Variants in GPC5 observed in about 807,000 individuals in gnomAD.
The protein encoded by GPC5 is glypican 5.
In GPC5, 47 loss-of-function variants were observed where a neutral mutation model predicts 53.9. The observed-to-expected ratio is 0.87, with a 90% confidence interval of 0.69 to 1.11. GPC5 has a LOEUF of 1.11. Among genes scored for constraint, GPC5 ranks in the 50% most tolerant of loss-of-function variants. GPC5 has a pLI of 0.00. For missense variants in GPC5, 748 were observed against 713.1 expected (o/e 1.05, Z -0.56); for synonymous variants, 286 against 263.3 (o/e 1.09, Z -0.84).
chr13:91,511,876 CT>C (rs538369268), intron 2 of GPC5, among the ~76,000 whole-genome samples: 1 of 151,762 alleles, frequency 6.6e-6, no homozygotes, highest in African/African-American at 2.4e-5. Flanking sequence ...GATGGTGGGC[CT>C]TTTTTTGTCA....
chr13:92,358,872 C>A lies in GPC5; in HGVS notation c.1561+213883C>A, dbSNP rs191523701. Among the ~76,000 whole-genome samples the A allele has an allele frequency of 2.9e-3, 440 of 151,858 alleles. 16 individuals are homozygous for A. Among genetic ancestry groups the A allele is most frequent in the African/African-American group, 0.01 (431 of 41,142 alleles). Reference sequence around the variant, plus strand: ...GCCTCTGGGCCTGTGATGGGAGTAGCTACTGAGAAGGTCTTTGAAATGATT... The same window carrying A: ...GCCTCTGGGCCTGTGATGGGAGTAGATACTGAGAAGGTCTTTGAAATGATT... On this transcript the variant is annotated intron_variant, in intron 7 of 7. Transcript: ENST00000377067.
chr13:92,583,688 C>A (rs1474910741), intron 7 of GPC5, among the ~76,000 whole-genome samples: 2 of 152,262 alleles, frequency 1.3e-5, no homozygotes, highest in Non-Finnish European at 2.9e-5. Context: ...AAGAAGCTAT[C>A]CAGAAGAATA....
chr13:92,022,080 A>G (rs1048667542), intron 6 of GPC5, among the ~76,000 whole-genome samples: 1 of 151,960 alleles, frequency 6.6e-6, no homozygotes, highest in Non-Finnish European at 1.5e-5. Flanking sequence ...GTTCACTGCA[A>G]CCACCGCCTC....
At chr13:92,497,507 C>G (rs946211328) in intron 7 of GPC5, among the ~76,000 whole-genome samples, 1 of 152,088 alleles carries the variant, frequency 6.6e-6, no homozygotes, top group Non-Finnish European at 1.5e-5. Flanking sequence ...GTTACTGCAG[C>G]CTTGTAGTAT....
chr13:92,647,729 G>T (rs534348490), intron 7 of GPC5, among the ~76,000 whole-genome samples: 2 of 152,000 alleles, frequency 1.3e-5, no homozygotes, highest in African/African-American at 4.8e-5. Context: ...TGCCATAAAG[G>T]CCACATGGTA....
chr13:91,496,022 C>CAA (rs201936956), intron 2 of GPC5, among the ~76,000 whole-genome samples: 4 of 147,834 alleles, frequency 2.7e-5, no homozygotes, highest in South Asian at 2.1e-4. Flanking sequence ...GACTCTGTCT[C>CAA]AAAAAAAATA....
At chr13:91,650,331 T>G (rs1232960031) in intron 2 of GPC5, among the ~76,000 whole-genome samples, 1 of 152,188 alleles carries the variant, frequency 6.6e-6, no homozygotes, top group African/African-American at 2.4e-5. Context: ...TCTTTATAGT[T>G]TTGTCATTTC....
intron 7 of GPC5, among the ~76,000 whole-genome samples, chr13:92,159,346 C>G (rs1593943389): frequency 6.6e-6 from 1 of 152,156 alleles, no homozygotes; most frequent in East Asian, 1.9e-4. Context: ...ATGTTTAGCT[C>G]TTATATTAGC....
chr13:91,675,088 G>A (rs1365065468), intron 2 of GPC5, among the ~76,000 whole-genome samples: 1 of 151,082 alleles, frequency 6.6e-6, no homozygotes, highest in Non-Finnish European at 1.5e-5. Context: ...GGTGAATAAT[G>A]CGTTTGTTTA....
intron 7 of GPC5, among the ~76,000 whole-genome samples, chr13:92,254,171 C>T (rs899689594): frequency 6.6e-6 from 1 of 152,100 alleles, no homozygotes; most frequent in Non-Finnish European, 1.5e-5. Flanking sequence ...CCTTCAGTAT[C>T]TAGTAGTTGG....
chr13:91,750,400 G>T (rs2037146102), intron 4 of GPC5, among the ~76,000 whole-genome samples: 1 of 152,106 alleles, frequency 6.6e-6, no homozygotes, highest in Admixed American at 6.5e-5. Context: ...AATTAGATGG[G>T]ACTGGACTGT....
rs552405665 is a variant in GPC5, at chr13:92,843,365, T to C, written c.1562-22917T>C. On this transcript the variant is annotated intron_variant, in intron 7 of 7. Transcript: ENST00000377067. ...CAAATATTTATTAAATTGAATTCAA[T>C]TGATTCTAGTTGAGTTGAATTAAGT... is the stretch of plus-strand genomic sequence containing the variant. Among the ~76,000 whole-genome samples, 21 of 152,316 alleles carry C rather than the reference T, an allele frequency of 1.4e-4. 1 individual carries two copies. The Middle Eastern group carries it at 0.01, about 74-fold the overall frequency.
intron 6 of GPC5, among the ~76,000 whole-genome samples, chr13:92,098,193 T>C (rs527322227): frequency 3.3e-5 from 5 of 152,278 alleles, no homozygotes; most frequent in East Asian, 1.9e-4. Flanking sequence ...CAGTGTCCCA[T>C]TGGTCCCCTC....
At chr13:92,829,713 T>C (rs901319439) in intron 7 of GPC5, among the ~76,000 whole-genome samples, 1 of 152,182 alleles carries the variant, frequency 6.6e-6, no homozygotes, top group African/African-American at 2.4e-5. Flanking sequence ...TAAAATATTT[T>C]AGGGCTTTAA....
chr13:91,731,778 G>A (rs766977651), intron 4 of GPC5, among the ~76,000 whole-genome samples: 9 of 152,086 alleles, frequency 5.9e-5, no homozygotes, highest in Admixed American at 3.9e-4. Flanking sequence ...GAGAACATGC[G>A]GTGTTTGGTT....
intron 7 of GPC5, among the ~76,000 whole-genome samples, chr13:92,635,570 C>T (rs1594369514): frequency 6.6e-6 from 1 of 152,180 alleles, no homozygotes; most frequent in African/African-American, 2.4e-5. Flanking sequence ...GGCCAGAGCC[C>T]TCATGCCTTA....
rs569399526 is a variant in GPC5 at position 92,224,315 on chromosome 13, G to A, written c.1561+79326G>A. Reference sequence around the variant, plus strand: ...AAGCCTTAGGTAATTCTATTGTGGCGGAACAGGAAGTTTTCTTGTCAATTC... The same window carrying A: ...AAGCCTTAGGTAATTCTATTGTGGCAGAACAGGAAGTTTTCTTGTCAATTC... On this transcript the variant is annotated intron_variant, in intron 7 of 7. Transcript: ENST00000377067. Among the ~76,000 whole-genome samples the A allele has an allele frequency of 7.3e-4, 111 of 152,196 alleles. 1 individual carries two copies. Among genetic ancestry groups the A allele is most frequent in the African/African-American group, 2.3e-3 (96 of 41,518 alleles).
intron 7 of GPC5, among the ~76,000 whole-genome samples, chr13:92,812,811 T>C (rs1566429215): frequency 6.6e-6 from 1 of 151,952 alleles, no homozygotes; most frequent in East Asian, 1.9e-4. Context: ...TATACACTTG[T>C]AATGAATGCC....
At position 92,587,667 on chromosome 13, in the gene GPC5, G is replaced by T. The variant is rs372664955; in HGVS notation, c.1562-278615G>T. On this transcript the variant is annotated intron_variant, in intron 7 of 7. Coordinates refer to ENST00000377067, the MANE Select transcript of GPC5 (RefSeq NM_004466.6). ...TAATGTTTAAAATTATTGAGCCTATGATTTGCTAACAAAAGAAAAATAAAA... is the reference window on the plus strand; with the variant it reads ...TAATGTTTAAAATTATTGAGCCTATTATTTGCTAACAAAAGAAAAATAAAA... Among the ~76,000 whole-genome samples the T allele has an allele frequency of 9.2e-5, 14 of 152,238 alleles. No homozygotes were observed. The South Asian group carries it at 2.9e-3, about 32-fold the overall frequency.
Sources: allele counts gnomAD v4.1 joint callset (sites outside exome capture counted in the v4.1 genomes callset), GRCh38; gene constraint gnomAD v4.1.1; transcripts MANE v1.5; gene names NCBI Gene and HGNC (gene_info 2026-07-23, HGNC 2026-07-21).